The following GABRB3 variants were observed in gnomAD, a reference collection of about 807,000 sequenced individuals.
The protein encoded by GABRB3 is gamma-aminobutyric acid receptor subunit beta-3.
Under a neutral mutation model 52.1 loss-of-function variants are expected in GABRB3, and 14 were observed. The observed-to-expected ratio is 0.27, with a 90% confidence interval of 0.18 to 0.42. The LOEUF is 0.42. GABRB3 is among the 10% of genes least tolerant of loss of function. GABRB3 has a pLI of 1.00. For synonymous variants in GABRB3, 260 were observed against 232.3 expected (o/e 1.12, Z -1.08); for missense variants, 307 against 609.1 (o/e 0.50, Z 5.22).
At chr15:26,771,577 A>G (rs1385075876) in intron 3 of GABRB3, among the ~76,000 whole-genome samples, 1 of 152,226 alleles carries the variant, frequency 6.6e-6, no homozygotes, top group African/African-American at 2.4e-5. Flanking sequence ...TTTCAGCTCA[A>G]TTAACAAATG....
intron 3 of GABRB3, among the ~76,000 whole-genome samples, chr15:26,732,536 T>G (rs572793612): frequency 2.0e-5 from 3 of 151,976 alleles, no homozygotes; most frequent in African/African-American, 7.2e-5. Context: ...AAGACCAGCC[T>G]GAGCAACATA....
chr15:26,756,234 T>A (rs998183248), intron 3 of GABRB3, among the ~76,000 whole-genome samples: 1 of 152,050 alleles, frequency 6.6e-6, no homozygotes, highest in Non-Finnish European at 1.5e-5. Context: ...TCCTAAATAA[T>A]GATCTTATCG....
chr15:26,554,936 T>G (rs1889697094), intron 8 of GABRB3, among the ~76,000 whole-genome samples: 1 of 152,034 alleles, frequency 6.6e-6, no homozygotes, highest in Non-Finnish European at 1.5e-5. Flanking sequence ...TCCCGGCACT[T>G]TGGGAGGCTG....
At chr15:26,617,592 T>G (rs1249507240) in intron 4 of GABRB3, among the ~76,000 whole-genome samples, 2 of 152,044 alleles carry the variant, frequency 1.3e-5, no homozygotes, top group Non-Finnish European at 2.9e-5. Flanking sequence ...GCATTCCCTT[T>G]GAAAACTGGC....
intron 3 of GABRB3, among the ~76,000 whole-genome samples, chr15:26,768,167 A>G (rs1381903855): frequency 1.3e-5 from 2 of 152,184 alleles, no homozygotes; most frequent in African/African-American, 4.8e-5. Flanking sequence ...ACAAAAAACA[A>G]TAATTTATTA....
intron 3 of GABRB3, among the ~76,000 whole-genome samples, chr15:26,689,993 A>G (rs1888534349): frequency 6.6e-6 from 1 of 151,850 alleles, no homozygotes; most frequent in African/African-American, 2.4e-5. Flanking sequence ...TTTCATTTTT[A>G]TTTCTCTAAC....
chr15:26,753,527 A>T (rs1024544334), intron 3 of GABRB3, among the ~76,000 whole-genome samples: 4 of 152,264 alleles, frequency 2.6e-5, no homozygotes, highest in Admixed American at 2.0e-4. Context: ...GTGAAGCACA[A>T]TTCAGGAGAC....
chr15:26,574,642 C>T (rs1043905163), intron 6 of GABRB3, among the ~76,000 whole-genome samples: 3 of 152,072 alleles, frequency 2.0e-5, no homozygotes, highest in Non-Finnish European at 2.9e-5. Flanking sequence ...AGACCAGACA[C>T]GAAAGACCAC....
intron 3 of GABRB3, among the ~76,000 whole-genome samples, chr15:26,727,293 C>T (rs1418434348): frequency 1.3e-5 from 2 of 152,180 alleles, no homozygotes; most frequent in Non-Finnish European, 2.9e-5. Context: ...ACATGTCCCT[C>T]CTTCCTTAGG....
intron 3 of GABRB3, among the ~76,000 whole-genome samples, chr15:26,669,674 A>C (rs1418927755): frequency 6.6e-6 from 1 of 151,704 alleles, no homozygotes; most frequent in Admixed American, 6.6e-5. Context: ...TCCTATTCTG[A>C]CATAAAAATG....
At chr15:26,583,128 G>C (rs748736221) in intron 5 of GABRB3, among the ~76,000 whole-genome samples, 1 of 152,002 alleles carries the variant, frequency 6.6e-6, no homozygotes, top group African/African-American at 2.4e-5. Context: ...CTATTTCAGC[G>C]CAGCAAACAG....
chr15:26,708,165 T>C (rs1889167126), intron 3 of GABRB3, among the ~76,000 whole-genome samples: 1 of 152,206 alleles, frequency 6.6e-6, no homozygotes. Context: ...AGATGTTCTA[T>C]GAGAAATAAA....
chr15:26,556,412 C>A (rs28713531), intron 8 of GABRB3, among the ~76,000 whole-genome samples: 2,601 of 152,270 alleles, frequency 0.017, 77 homozygotes, highest in African/African-American at 0.06. Flanking sequence ...TGAAATCTTG[C>A]TCTTTAGTAA....
chr15:26,558,780 G>C (rs1005070506), intron 8 of GABRB3, among the ~76,000 whole-genome samples: 1 of 151,902 alleles, frequency 6.6e-6, no homozygotes, highest in African/African-American at 2.4e-5. Flanking sequence ...GCAGGTGCCT[G>C]TGAGCCAAGA....
chr15:26,557,534 A>G (rs544506887), intron 8 of GABRB3: 12 of 152,310 alleles, frequency 7.9e-5, no homozygotes, highest in African/African-American at 2.4e-4. Flanking sequence ...TTTCATCCAC[A>G]TTACTTGATA....
intron 3 of GABRB3, among the ~76,000 whole-genome samples, chr15:26,701,036 C>T (rs999734328): frequency 1.3e-5 from 2 of 149,026 alleles, no homozygotes; most frequent in African/African-American, 5.0e-5. Context: ...GCCTGGGAGA[C>T]AGAGCGAGAC....
intron 3 of GABRB3, among the ~76,000 whole-genome samples, chr15:26,647,980 T>C (rs902697223): frequency 1.3e-5 from 2 of 152,202 alleles, no homozygotes; most frequent in African/African-American, 2.4e-5. Context: ...TTTAAACCAA[T>C]TGTGGTAAAA....
chr15:26,727,302 G>A (rs1387427245), intron 3 of GABRB3, among the ~76,000 whole-genome samples: 2 of 152,064 alleles, frequency 1.3e-5, no homozygotes, highest in Non-Finnish European at 2.9e-5. Flanking sequence ...TCCTTCCTTA[G>A]GTATTTACTT....
intron 4 of GABRB3, among the ~76,000 whole-genome samples, chr15:26,590,749 G>A (rs968496034): frequency 6.6e-6 from 1 of 152,136 alleles, no homozygotes; most frequent in Non-Finnish European, 1.5e-5. Flanking sequence ...AATGATTGTG[G>A]TAAGTTGACT....
Sources: gnomAD v4.1 joint callset for allele counts (sites outside exome capture counted in the v4.1 genomes callset) on GRCh38, gnomAD v4.1.1 for gene constraint, MANE v1.5 for transcripts, NCBI Gene and HGNC (gene_info 2026-07-23, HGNC 2026-07-21) for gene names.